The following ZP4 variants were observed in gnomAD, a reference collection of about 807,000 sequenced individuals.
ZP4 encodes the protein zona pellucida sperm-binding protein 4.
In ZP4, 62 loss-of-function variants were observed where a neutral mutation model predicts 62.3. The observed-to-expected ratio is 0.99, with a 90% CI of 0.81 to 1.23. The LOEUF (loss-of-function observed/expected upper bound fraction) is 1.23. Ranked by LOEUF, ZP4 falls within the 50% of genes most tolerant of loss-of-function variation. The pLI is 0.00. For missense variants in ZP4, 774 were observed against 656.0 expected (o/e 1.18, Z -1.97); for synonymous variants, 289 against 247.3 (o/e 1.17, Z -1.58).
At chr1:237,886,367 C>T (rs76249153) in intron 6 of ZP4, among the ~76,000 whole-genome samples, 2,057 of 151,820 alleles carry the variant, frequency 0.014, 52 homozygotes, top group African/African-American at 0.047. Context: ...ATGCAGGGTC[C>T]TGATGTTCAT....
chr1:237,883,714 C>A (rs535271471), intron 10 of ZP4, among the ~76,000 whole-genome samples: 2,308 of 8,630 alleles, frequency 0.27, 778 homozygotes, highest in African/African-American at 0.64. Flanking sequence ...CGGGGGAGGG[C>A]GGGGGAGGGC....
At position 237,890,513 on chromosome 1, in the gene ZP4, A is replaced by T. The variant is rs1307671360; in HGVS notation, c.123T>A (p.Phe41Leu). 18 of 1,613,994 alleles carry T rather than the reference A, an allele frequency of 1.1e-5. No homozygotes were observed. The Admixed American group carries it at 3.0e-4, about 27-fold the overall frequency. The change falls in exon 1 of 12, where the codon TTT becomes TTA. Residue 41 changes from phenylalanine (F) to leucine (L), a missense_variant. By Grantham distance (22) the Phe-to-Leu change is conservative (BLOSUM62 0). Coordinates refer to ENST00000366570, the MANE Select transcript of ZP4 (RefSeq NM_021186.5). ...TTGCCTCCTGGTTGAGGTTTACAGCAAACTGGAAGCTCCACGGCCCACAGT... is the reference window on the plus strand; with the variant it reads ...TTGCCTCCTGGTTGAGGTTTACAGCTAACTGGAAGCTCCACGGCCCACAGT... Reference protein sequence around the residue: ...VLHCGPWSFQFAVNLNQEATS... With the variant: ...VLHCGPWSFQLAVNLNQEATS...
At position 237,886,828 on chromosome 1, in the gene ZP4, G is replaced by A; in HGVS notation, c.782C>T (p.Ala261Val). The A allele has an allele frequency of 6.2e-7, 1 of 1,614,016 alleles. No individual in the cohort carries two copies. Among genetic ancestry groups the A allele is most frequent in the Non-Finnish European group, 8.5e-7 (1 of 1,179,998 alleles). Residue 261 changes from alanine (A) to valine (V), a missense_variant, in exon 6 of 12, where the codon GCA (alanine) becomes GTA (valine). Ala to Val is a moderately conservative substitution (Grantham distance 64, BLOSUM62 0). Transcript: ENST00000366570. ...GCTCCCATTTTTCACATCCCTAGTT[G>A]CCACCAGTTCATTTTCATATACTGC... is the stretch of plus-strand genomic sequence containing the variant. The part of the protein sequence containing the change: ...DRAVYENELV[A>V]TRDVKNGSRG...
chr1:237,890,365 A>C, intron 1 of ZP4, 96 bp downstream of exon 1: 1 of 1,502,462 alleles, frequency 6.7e-7, no homozygotes, highest in Non-Finnish European at 9.1e-7. Flanking sequence ...AGGGCTCAGA[A>C]GGTGAAAGTA....
At chr1:237,890,242 G>C (rs1195502680) in intron 1 of ZP4, 66 bp from the exon 2 acceptor site, 1 of 1,608,914 alleles carries the variant, frequency 6.2e-7, no homozygotes, top group African/African-American at 1.3e-5. Context: ...AGGATAGTCA[G>C]CCTTGCCATT....
chr1:237,884,700 G>A, intron 10 of ZP4, 69 bp downstream of exon 10: 1 of 1,442,070 alleles, frequency 6.9e-7, no homozygotes, highest in East Asian at 2.4e-5. Context: ...TTTGGCCAGA[G>A]ACTAGGAAAG....
chr1:237,886,213 A>C (rs1372421896), intron 6 of ZP4, among the ~76,000 whole-genome samples: 2 of 152,180 alleles, frequency 1.3e-5, no homozygotes, highest in African/African-American at 4.8e-5. Flanking sequence ...GCGTCACCCA[A>C]TATAGAGCAA....
chr1:237,885,082 C>T, intron 9 of ZP4, 83 bp downstream of exon 9: 1 of 1,546,404 alleles, frequency 6.5e-7, no homozygotes, highest in Non-Finnish European at 8.7e-7. Context: ...GCTTCCTTGG[C>T]TGCAGAGTAG....
chr1:237,889,368 T>TA (rs1371012066), intron 3 of ZP4, among the ~76,000 whole-genome samples: 1 of 150,980 alleles, frequency 6.6e-6, no homozygotes, highest in African/African-American at 2.4e-5. Context: ...GCCCAGGCTG[T>TA]AGTGCAAGGG....
At chr1:237,889,126 C>G (rs1193116915) in intron 3 of ZP4, among the ~76,000 whole-genome samples, 1 of 152,074 alleles carries the variant, frequency 6.6e-6, no homozygotes, top group Middle Eastern at 3.2e-3. Context: ...AGACCTGGGT[C>G]CTAGTCTCAG....
chr1:237,890,375 A>G, intron 1 of ZP4, 86 bp downstream of exon 1: 3 of 1,519,878 alleles, frequency 2.0e-6, no homozygotes, highest in Non-Finnish European at 2.7e-6. Flanking sequence ...AGGTGAAAGT[A>G]TCAATACGGG....
chr1:237,890,073 G>A lies in ZP4; in HGVS notation c.279C>T (p.Ser93=). The A allele has an allele frequency of 6.2e-7, 1 of 1,614,152 alleles. No homozygotes were observed. The highest frequency in any genetic ancestry group is 8.5e-7 in the Non-Finnish European group (1 of 1,180,030). Residue 93 remains serine (S), a synonymous_variant, in exon 2 of 12, where the codon AGC becomes AGT. Transcript: ENST00000366570. ...SSVVLEATYS[S]CYVTEWDSHY... ...TACTCACCCACTCAGTGACATAGCA[G>A]CTGCTATAGGTTGCCTCCAACACCA...
At position 237,884,888 on chromosome 1, in the gene ZP4, T is replaced by G. The variant is rs1665058865; in HGVS notation, c.1312-41A>C. The stretch of plus-strand genomic sequence containing the variant: ...ATTCAGGTCATTTGTAGTATCACCA[T>G]GCCATGTATCTCTAAACCTGCTTTG... On this transcript the variant is annotated intron_variant, in intron 9 of 11. Transcript: ENST00000366570. 3.1e-6 allele frequency: 5 copies of G among 1,594,638 alleles called. No homozygotes were observed. The East Asian group carries it at 1.1e-4, about 36-fold the overall frequency.
Position 237,887,526 on chromosome 1 carries a change from T to G in ZP4, c.589A>C (p.Ile197Leu), listed in dbSNP as rs780101547. The G allele has an allele frequency of 1.2e-5, 20 of 1,613,936 alleles. No individual in the cohort carries two copies. The Admixed American group carries it at 1.7e-4, about 13-fold the overall frequency. ...LHCTREGHFS[I>L]AVSRNVTSPP... ...GAGGTCACGTTCCGAGACACAGCAA[T>G]AGAGAAATGGCCCTCTCGGGTACAA... is the stretch of plus-strand genomic sequence containing the variant. Residue 197 changes from isoleucine (I) to leucine (L), a missense_variant, in exon 5 of 12, where the codon ATT becomes CTT. Physicochemically the swap from Ile to Leu is conservative, Grantham distance 5. Coordinates refer to ENST00000366570, the MANE Select transcript of ZP4 (RefSeq NM_021186.5).
In ZP4 at chr1:237,890,244, C is replaced by T. The variant is rs539112058; in HGVS notation, c.176-68G>A. 3.8e-4 allele frequency: 616 copies of T among 1,608,696 alleles called. 4 individuals carry two copies. Among genetic ancestry groups the T allele is most frequent in the South Asian group, 2.0e-3 (180 of 90,576 alleles). On this transcript the variant is annotated intron_variant, in intron 1 of 11. Transcript: ENST00000366570. ...TCCAGTGCCAGAAAGGATAGTCAGC[C>T]TTGCCATTAGACCCCAAGGAGCAAC...
rs746266633 is a variant in ZP4 at position 237,885,165 on chromosome 1, C to T, written c.1311G>A (p.Pro437=). 6.2e-6 allele frequency: 10 copies of T among 1,612,746 alleles called. No homozygotes were observed. The highest frequency in any genetic ancestry group is 2.2e-5 in the East Asian group (1 of 44,858). The change falls in exon 9 of 12, where the codon CCG becomes CCA. Residue 437 remains proline (P), a splice_region_variant and synonymous_variant. Coordinates refer to ENST00000366570, the MANE Select transcript of ZP4 (RefSeq NM_021186.5). ...AGTGTCATGGAAGGGAACATCCTAC[C>T]GGTCCCCTGAGGGCCTGTTTCTCCA... The part of the protein sequence containing the change: ...PTVEKQALRG[P]VHLHCSVSVC...
chr1:237,888,434 G>C lies in ZP4; in HGVS notation c.477C>G (p.Ile159Met). Residue 159 changes from isoleucine (I) to methionine (M), a missense_variant, in exon 4 of 12, where the codon ATC becomes ATG. Coordinates refer to ENST00000366570, the MANE Select transcript of ZP4 (RefSeq NM_021186.5). The part of the protein sequence containing the change: ...RDRLPCAPSP[I>M]SRGDCEGLGC... ...CTAGCCCTTCACAGTCTCCTCGAGA[G>C]ATGGGTGAAGGTGCACATGGCAGTC... The C allele has an allele frequency of 1.9e-6, 3 of 1,612,450 alleles. No homozygotes were observed. Among genetic ancestry groups the C allele is most frequent in the African/African-American group, 1.3e-5 (1 of 75,044 alleles).
At chr1:237,886,176 G>A (rs1264591057) in intron 6 of ZP4, among the ~76,000 whole-genome samples, 1 of 152,140 alleles carries the variant, frequency 6.6e-6, no homozygotes, top group Non-Finnish European at 1.5e-5. Flanking sequence ...ATATGAAGGT[G>A]AAAGAAAAAC....
intron 6 of ZP4, 78 bp downstream of exon 6, chr1:237,886,693 G>A (rs1210559863): frequency 4.2e-6 from 5 of 1,200,750 alleles, no homozygotes; most frequent in African/African-American, 3.1e-5. Context: ...GCTGAGGAAT[G>A]CTCATTTGTG....
Sources: allele counts gnomAD v4.1 joint callset (sites outside exome capture counted in the v4.1 genomes callset), GRCh38; gene constraint gnomAD v4.1.1; transcripts MANE v1.5; gene names NCBI Gene and HGNC (gene_info 2026-07-23, HGNC 2026-07-21).